PRICKLE1: variants seen among roughly 807,000 people sequenced by gnomAD.
The protein encoded by PRICKLE1 is prickle-like protein 1.
In PRICKLE1, 14 loss-of-function variants were observed where a neutral mutation model predicts 70.2. That is an observed-to-expected ratio of 0.20 (90% CI 0.13 to 0.31). The LOEUF (loss-of-function observed/expected upper bound fraction) is 0.31, where lower values mean the gene tolerates loss of function less well. Ranked by LOEUF, PRICKLE1 falls within the 10% of genes least tolerant of loss-of-function variation. The probability of loss-of-function intolerance (pLI) is 1.00; values close to 1 mark genes in which losing one functional copy is unlikely to be tolerated. For synonymous variants in PRICKLE1, 357 were observed against 379.9 expected (o/e 0.94, Z 0.70); for missense variants, 821 against 1,026.2 (o/e 0.80, Z 2.73).
intron 1 of PRICKLE1, among the ~76,000 whole-genome samples, chr12:42,549,393 T>C (rs1940270558): frequency 6.6e-6 from 1 of 152,218 alleles, no homozygotes; most frequent in South Asian, 2.1e-4. Context: ...GAAATACCTG[T>C]TGTTAAACTT....
chr12:42,460,340 C>G lies in PRICKLE1; in HGVS notation c.1965G>C (p.Arg655Ser). The G allele has an allele frequency of 6.2e-7, 1 of 1,614,092 alleles. No individual in the cohort carries two copies. The highest frequency in any genetic ancestry group is 8.5e-7 in the Non-Finnish European group (1 of 1,180,026). The change falls in exon 8 of 8, where the codon AGG becomes AGC. Residue 655 changes from arginine (R) to serine (S), a missense_variant. By Grantham distance (110) the Arg-to-Ser change is moderately radical. Coordinates refer to ENST00000345127, the MANE Select transcript of PRICKLE1 (RefSeq NM_153026.3). Reference protein sequence around the residue: ...IEIRQPPMSERTRRRVYNFEE... With the variant: ...IEIRQPPMSESTRRRVYNFEE... ...CAAAATTGTAGACGCGTCTCCGAGT[C>G]CTTTCACTCATCGGAGGCTGCCGGA...
chr12:42,506,080 A>C (rs1014851725), intron 1 of PRICKLE1, among the ~76,000 whole-genome samples: 1 of 152,060 alleles, frequency 6.6e-6, no homozygotes, highest in Non-Finnish European at 1.5e-5. Context: ...GGACATCGCA[A>C]AGTCTTCAAG....
chr12:42,579,625 A>G (rs750376939), intron 1 of PRICKLE1, among the ~76,000 whole-genome samples: 28 of 152,224 alleles, frequency 1.8e-4, no homozygotes, highest in Non-Finnish European at 3.8e-4. Flanking sequence ...TTGATTTGGC[A>G]GAGGGCATAT....
chr12:42,460,653 T>G lies in PRICKLE1; in HGVS notation c.1652A>C (p.Asp551Ala), dbSNP rs1937793606. The change falls in exon 8 of 8, where the codon GAT (aspartate) becomes GCT (alanine). Residue 551 changes from aspartate to alanine, a missense_variant. Coordinates refer to ENST00000345127, the MANE Select transcript of PRICKLE1 (RefSeq NM_153026.3). Reference protein sequence around the residue: ...ALSNITGASVDGENKPRPSLY... With the variant: ...ALSNITGASVAGENKPRPSLY... ...TGATGGCCTTGGCTTGTTTTCTCCA[T>G]CCACCGAAGCCCCTAGAAGAGAGGC... is the stretch of plus-strand genomic sequence containing the variant. 12 of 1,609,446 alleles carry G rather than the reference T, an allele frequency of 7.5e-6. No individual in the cohort carries two copies. The highest frequency in any genetic ancestry group is 2.2e-5 in the East Asian group (1 of 44,888).
intron 1 of PRICKLE1, among the ~76,000 whole-genome samples, chr12:42,539,571 G>A (rs568590167): frequency 7.9e-5 from 12 of 152,022 alleles, no homozygotes; most frequent in Non-Finnish European, 1.6e-4. Context: ...CTTTGAATAA[G>A]ACAGCTGCTG....
chr12:42,506,248 TTTCTTTC>T lies in PRICKLE1; in HGVS notation c.-48-33691_-48-33685del, dbSNP rs1313199856. On this transcript the variant is annotated intron_variant, in intron 1 of 7. Transcript: ENST00000345127. ...ATTATATAAGTAAAAAATGTTCTTT[TTTCTTTC>T]TTTCTTTTTTTTTTTTTTTGAGATG... is the stretch of plus-strand genomic sequence containing the variant. Among the ~76,000 whole-genome samples the T allele has an allele frequency of 3.1e-3, 152 of 49,040 alleles. 4 individuals are homozygous for T. Among genetic ancestry groups the T allele is most frequent in the African/African-American group, 0.014 (120 of 8,808 alleles). 32.2% of individuals were successfully genotyped at this position (49,040 alleles called of 152,430 possible). A position where few individuals can be genotyped will look rare whatever the true frequency, so the allele number is the denominator to read the frequency against.
chr12:42,457,559 C>T lies in PRICKLE1; in HGVS notation c.*2250G>A, dbSNP rs1275416194. 6.6e-6 allele frequency: 1 copy of T among 152,028 alleles called. No homozygotes were observed. Among genetic ancestry groups the T allele is most frequent in the Non-Finnish European group, 1.5e-5 (1 of 68,026 alleles). 9.4% of individuals were successfully genotyped at this position (152,028 alleles called of 1,614,324 possible). A position where few individuals can be genotyped will look rare whatever the true frequency, so the allele number is the denominator to read the frequency against. Reference sequence around the variant, plus strand: ...CTTTTGGAGGAAAATTGGCAATATCCATCAGTCTTAAATACGTAACCTTTG... The same window carrying T: ...CTTTTGGAGGAAAATTGGCAATATCTATCAGTCTTAAATACGTAACCTTTG... On this transcript the variant is annotated 3_prime_UTR_variant, in exon 8 of 8. Transcript: ENST00000345127.
intron 1 of PRICKLE1, among the ~76,000 whole-genome samples, chr12:42,495,614 G>A (rs1304663184): frequency 1.3e-5 from 2 of 150,040 alleles, no homozygotes; most frequent in Non-Finnish European, 3.0e-5. Context: ...TTTTTTAGAT[G>A]GAGTCTCGCT....
At chr12:42,508,255 G>A (rs1014903781) in intron 1 of PRICKLE1, among the ~76,000 whole-genome samples, 3 of 152,272 alleles carry the variant, frequency 2.0e-5, no homozygotes, top group African/African-American at 7.2e-5. Context: ...ACTGCTTCAA[G>A]GCACTAGGAG....
intron 1 of PRICKLE1, among the ~76,000 whole-genome samples, chr12:42,537,650 G>T (rs79407417): frequency 0.082 from 12,437 of 152,236 alleles, 608 homozygotes; most frequent in Non-Finnish European, 0.11. Context: ...GACAGTGATT[G>T]AAGCCTTGGA....
chr12:42,528,761 AT>A (rs554741308), intron 1 of PRICKLE1, among the ~76,000 whole-genome samples: 1 of 152,250 alleles, frequency 6.6e-6, no homozygotes, highest in Non-Finnish European at 1.5e-5. Context: ...TGCTCAAAAA[AT>A]ATCCACTGAC....
At chr12:42,487,927 T>A (rs1939019587) in intron 1 of PRICKLE1, among the ~76,000 whole-genome samples, 1 of 152,112 alleles carries the variant, frequency 6.6e-6, no homozygotes, top group Non-Finnish European at 1.5e-5. Flanking sequence ...GCGCCTGTAG[T>A]CCCAGCTACT....
At chr12:42,544,806 T>A (rs1393590137) in intron 1 of PRICKLE1, among the ~76,000 whole-genome samples, 1 of 152,236 alleles carries the variant, frequency 6.6e-6, no homozygotes, top group East Asian at 1.9e-4. Context: ...CTTTTGTCTC[T>A]TTGTGCTATT....
intron 1 of PRICKLE1, among the ~76,000 whole-genome samples, chr12:42,572,764 C>T (rs1163937837): frequency 6.6e-6 from 1 of 152,032 alleles, no homozygotes. Flanking sequence ...GAAGTCGAGG[C>T]CGCAAGTGAG....
chr12:42,585,812 G>A (rs1940977698), intron 1 of PRICKLE1, among the ~76,000 whole-genome samples: 1 of 152,138 alleles, frequency 6.6e-6, no homozygotes, highest in African/African-American at 2.4e-5. Context: ...CATAAACAAG[G>A]GGATGTGATT....
intron 1 of PRICKLE1, among the ~76,000 whole-genome samples, chr12:42,523,030 C>G (rs1260730622): frequency 6.6e-6 from 1 of 150,576 alleles, no homozygotes; most frequent in Non-Finnish European, 1.5e-5. Flanking sequence ...GGCACGATCT[C>G]GGCTCACTGC....
intron 1 of PRICKLE1, among the ~76,000 whole-genome samples, chr12:42,584,936 A>G (rs968702902): frequency 6.6e-6 from 1 of 152,200 alleles, no homozygotes; most frequent in Non-Finnish European, 1.5e-5. Flanking sequence ...CGCAAAGCAG[A>G]AGCTGGTGGG....
At chr12:42,474,042 G>C (rs894525983) in intron 1 of PRICKLE1, among the ~76,000 whole-genome samples, 3 of 152,162 alleles carry the variant, frequency 2.0e-5, no homozygotes, top group African/African-American at 7.2e-5. Context: ...GGGAGGCTGA[G>C]GCAGATGGAT....
chr12:42,469,785 CTT>C (rs540132556), intron 3 of PRICKLE1, 198 bp from the exon 4 acceptor site: 1 of 636,180 alleles, frequency 1.6e-6, no homozygotes, highest in East Asian at 2.8e-5. Context: ...TGAAGGAATA[CTT>C]TTTTTTTAAA....
Sources: gnomAD v4.1 joint callset for allele counts (sites outside exome capture counted in the v4.1 genomes callset) on GRCh38, gnomAD v4.1.1 for gene constraint, MANE v1.5 for transcripts, NCBI Gene and HGNC (gene_info 2026-07-23, HGNC 2026-07-21) for gene names.